PHF21B: variants seen among roughly 807,000 people sequenced by gnomAD.
PHF21B encodes the protein PHD finger protein 21B.
A neutral mutation model predicts 62.2 loss-of-function variants in PHF21B; 22 were observed. The ratio of observed to expected loss-of-function variants is 0.35; its 90% CI spans 0.25 to 0.51. The LOEUF (loss-of-function observed/expected upper bound fraction) is 0.51, where lower values mean the gene tolerates loss of function less well. Ranked by LOEUF, PHF21B falls within the 20% of genes least tolerant of loss-of-function variation. The pLI, the probability that PHF21B is intolerant of heterozygous loss-of-function variation, is 0.97. For synonymous variants in PHF21B, 341 were observed against 314.7 expected (o/e 1.08, Z -0.88); for missense variants, 701 against 707.9 (o/e 0.99, Z 0.11).
intron 2 of PHF21B, among the ~76,000 whole-genome samples, chr22:44,969,914 T>G (rs2072604898): frequency 1.3e-5 from 2 of 152,256 alleles, no homozygotes; most frequent in African/African-American, 2.4e-5. Flanking sequence ...GGGCTGAGAT[T>G]TGAACACTGT....
chr22:44,928,141 G>C (rs1352657463), intron 2 of PHF21B, among the ~76,000 whole-genome samples: 1 of 152,150 alleles, frequency 6.6e-6, no homozygotes, highest in Non-Finnish European at 1.5e-5. Flanking sequence ...AGCTCTGCCA[G>C]GGCAGAGGGG....
At chr22:44,966,571 G>A (rs1011167810) in intron 2 of PHF21B, among the ~76,000 whole-genome samples, 4 of 152,124 alleles carry the variant, frequency 2.6e-5, no homozygotes, top group Non-Finnish European at 5.9e-5. Context: ...TCAAGGCCAG[G>A]CAGGTGCGGT....
intron 2 of PHF21B, among the ~76,000 whole-genome samples, chr22:44,927,399 G>A (rs2071653622): frequency 6.6e-6 from 1 of 152,192 alleles, no homozygotes. Context: ...TAGCTAGGCA[G>A]GCAGAAAGAG....
chr22:44,927,239 C>G (rs778511663), intron 2 of PHF21B, among the ~76,000 whole-genome samples: 1 of 152,128 alleles, frequency 6.6e-6, no homozygotes, highest in Admixed American at 6.5e-5. Flanking sequence ...AACGTCCACA[C>G]CCGCAGGAGG....
Position 44,914,055 on chromosome 22 carries a change from C to A in PHF21B, c.598G>T (p.Ala200Ser). 2 of 920,392 alleles carry A rather than the reference C, an allele frequency of 2.2e-6. No individual in the cohort carries two copies. The highest frequency in any genetic ancestry group is 2.9e-6 in the Non-Finnish European group (2 of 679,978). 57.0% of individuals were successfully genotyped at this position (920,392 alleles called of 1,614,324 possible). ...GGGTGGAGGGGACAGTGATGGGTTG[C>A]GGGGTGAGGGGAAGAGAGGAGGCGT... ...PPRLLSSPHP[A>S]THHCPLHPSS... The change falls in exon 5 of 13, where the codon GCA becomes TCA. Residue 200 changes from alanine to serine, a missense_variant. Transcript: ENST00000313237.
intron 2 of PHF21B, among the ~76,000 whole-genome samples, chr22:45,007,964 C>T (rs1334636015): frequency 6.6e-6 from 1 of 151,706 alleles, no homozygotes; most frequent in African/African-American, 2.4e-5. Flanking sequence ...GTGTCCCCAA[C>T]TACACCTAAC....
At chr22:44,884,878 A>G (rs1481347393) in intron 12 of PHF21B, among the ~76,000 whole-genome samples, 1 of 152,072 alleles carries the variant, frequency 6.6e-6, no homozygotes, top group Non-Finnish European at 1.5e-5. Context: ...CACCATCACC[A>G]TTACTACCAT....
intron 2 of PHF21B, among the ~76,000 whole-genome samples, chr22:44,939,089 C>G (rs750107384): frequency 2.0e-5 from 3 of 152,238 alleles, no homozygotes; most frequent in Non-Finnish European, 4.4e-5. Context: ...AGCGCAGGCC[C>G]TTCCTGCCTT....
intron 2 of PHF21B, among the ~76,000 whole-genome samples, chr22:44,934,945 G>C (rs1291487113): frequency 1.3e-5 from 2 of 152,198 alleles, no homozygotes; most frequent in Non-Finnish European, 2.9e-5. Flanking sequence ...CAGGAGCGTG[G>C]GAAGAGAAGA....
chr22:44,962,704 G>A (rs747339137), intron 2 of PHF21B, among the ~76,000 whole-genome samples: 2 of 152,142 alleles, frequency 1.3e-5, no homozygotes, highest in African/African-American at 2.4e-5. Context: ...ATAACCCAGC[G>A]TCTTGCTCAG....
At chr22:44,894,131 G>A (rs892974581) in intron 6 of PHF21B, among the ~76,000 whole-genome samples, 17 of 152,268 alleles carry the variant, frequency 1.1e-4, no homozygotes, top group East Asian at 9.6e-4. Flanking sequence ...TCTGTCTCCC[G>A]GACCTAGTTT....
chr22:44,920,516 G>A (rs2071516678), intron 2 of PHF21B, 26 bp from the exon 3 acceptor site: 2 of 1,569,654 alleles, frequency 1.3e-6, no homozygotes, highest in Non-Finnish European at 1.7e-6. Context: ...GGGCAACGCT[G>A]AGACAGGAGG....
intron 2 of PHF21B, among the ~76,000 whole-genome samples, chr22:45,002,331 C>G (rs1363418393): frequency 2.6e-5 from 4 of 152,086 alleles, no homozygotes; most frequent in African/African-American, 9.7e-5. Flanking sequence ...ACACACACAC[C>G]ACATGCACAC....
chr22:44,954,733 T>C (rs1322418022), intron 2 of PHF21B, among the ~76,000 whole-genome samples: 1 of 152,164 alleles, frequency 6.6e-6, no homozygotes. Context: ...ACCGAGCGTA[T>C]TGTGTTTGTA....
chr22:44,909,296 A>G (rs1157204786), intron 5 of PHF21B, among the ~76,000 whole-genome samples: 1 of 152,246 alleles, frequency 6.6e-6, no homozygotes, highest in South Asian at 2.1e-4. Flanking sequence ...TCCACCCAGA[A>G]TACCTTCCCC....
intron 2 of PHF21B, among the ~76,000 whole-genome samples, chr22:44,985,943 CA>C (rs2072938698): frequency 6.6e-6 from 1 of 151,780 alleles, no homozygotes; most frequent in Non-Finnish European, 1.5e-5. Context: ...CCACTACCAT[CA>C]CCATGATCAC....
At chr22:44,952,894 G>A (rs531745492) in intron 2 of PHF21B, among the ~76,000 whole-genome samples, 2 of 152,126 alleles carry the variant, frequency 1.3e-5, no homozygotes, top group East Asian at 1.9e-4. Context: ...CCCCTGTGTC[G>A]GGCACCCTCC....
At chr22:44,998,111 A>C (rs1379008552) in intron 2 of PHF21B, among the ~76,000 whole-genome samples, 1 of 152,228 alleles carries the variant, frequency 6.6e-6, no homozygotes, top group Non-Finnish European at 1.5e-5. Context: ...TGATTTAGTA[A>C]GTTTCATCGT....
intron 8 of PHF21B, among the ~76,000 whole-genome samples, chr22:44,890,301 T>C (rs1273813889): frequency 6.6e-6 from 1 of 152,208 alleles, no homozygotes; most frequent in Non-Finnish European, 1.5e-5. Flanking sequence ...TTTCAACTCT[T>C]TTTAAACTGT....
Sources: gnomAD v4.1 joint callset for allele counts (sites outside exome capture counted in the v4.1 genomes callset) on GRCh38, gnomAD v4.1.1 for gene constraint, MANE v1.5 for transcripts, NCBI Gene and HGNC (gene_info 2026-07-23, HGNC 2026-07-21) for gene names.